Variants in FYN observed in about 807,000 individuals in gnomAD.
The protein encoded by FYN is FYN proto-oncogene, Src family tyrosine kinase, also known as tyrosine-protein kinase Fyn.
A neutral mutation model predicts 70.2 loss-of-function variants in FYN; 10 were observed. The observed-to-expected ratio is 0.14, with a 90% CI of 0.09 to 0.24. The LOEUF (loss-of-function observed/expected upper bound fraction) is 0.24. Among genes scored for constraint, FYN ranks in the 10% least tolerant of loss-of-function variants. The probability of loss-of-function intolerance (pLI) is 1.00; values close to 1 mark genes in which losing one functional copy is unlikely to be tolerated. For synonymous variants in FYN, 236 were observed against 248.6 expected (o/e 0.95, Z 0.48); for missense variants, 319 against 673.1 (o/e 0.47, Z 5.82).
intron 3 of FYN, among the ~76,000 whole-genome samples, chr6:111,723,812 G>C (rs1358934984): frequency 6.6e-6 from 1 of 152,208 alleles, no homozygotes; most frequent in Non-Finnish European, 1.5e-5. Flanking sequence ...TCGTGACATA[G>C]AATGTACTAA....
chr6:111,665,099 C>T (rs1797935544), intron 13 of FYN, among the ~76,000 whole-genome samples: 1 of 152,102 alleles, frequency 6.6e-6, no homozygotes, highest in African/African-American at 2.4e-5. Context: ...GGGTGAGTAT[C>T]CCTTCTCTGA....
At position 111,673,619 on chromosome 6, in the gene FYN, ATTGT is replaced by A. The variant is rs1798398041; in HGVS notation, c.1405+876_1405+879del. Among the ~76,000 whole-genome samples the A allele has an allele frequency of 7.7e-5, 5 of 65,026 alleles. No homozygotes were observed. In the South Asian group the frequency reaches 2.5e-3, roughly 32 times the overall value. 42.7% of individuals were successfully genotyped at this position (65,026 alleles called of 152,430 possible). On this transcript the variant is annotated intron_variant, in intron 13 of 13. Transcript: ENST00000354650. The stretch of plus-strand genomic sequence containing the variant: ...ATTAATCGTCACTATCGTTTCTATC[ATTGT>A]TTTTTTTTTTTTTTTTTTCTTTAAG...
At chr6:111,808,602 T>C (rs563066134) in intron 2 of FYN, among the ~76,000 whole-genome samples, 29 of 152,162 alleles carry the variant, frequency 1.9e-4, no homozygotes, top group Non-Finnish European at 3.4e-4. Flanking sequence ...CTCACTGACG[T>C]TGTACATAGA....
At chr6:111,716,640 T>C (rs1800654788) in intron 4 of FYN, among the ~76,000 whole-genome samples, 1 of 149,174 alleles carries the variant, frequency 6.7e-6, no homozygotes, top group Non-Finnish European at 1.5e-5. Context: ...TTGGGAAACA[T>C]AACCTCTGTA....
At chr6:111,835,547 G>C (rs1773154726) in intron 2 of FYN, among the ~76,000 whole-genome samples, 1 of 152,230 alleles carries the variant, frequency 6.6e-6, no homozygotes, top group Non-Finnish European at 1.5e-5. Context: ...TATTCCTGAA[G>C]CAAGTCCTGC....
intron 3 of FYN, among the ~76,000 whole-genome samples, chr6:111,731,013 T>C (rs1250862493): frequency 6.6e-6 from 1 of 152,008 alleles, no homozygotes; most frequent in Admixed American, 6.6e-5. Flanking sequence ...AGGGTCAGGG[T>C]GTCACCTGGC....
At chr6:111,673,320 C>T (rs939592922) in intron 13 of FYN, among the ~76,000 whole-genome samples, 22 of 152,122 alleles carry the variant, frequency 1.4e-4, no homozygotes, top group African/African-American at 5.1e-4. Flanking sequence ...AACTGACTTA[C>T]ACCCGCATCT....
chr6:111,680,623 G>A (rs1362556850), intron 12 of FYN, among the ~76,000 whole-genome samples: 1 of 152,170 alleles, frequency 6.6e-6, no homozygotes, highest in Non-Finnish European at 1.5e-5. Flanking sequence ...CTCTTCAAAA[G>A]CATCGTGACA....
intron 3 of FYN, among the ~76,000 whole-genome samples, chr6:111,752,513 CAAG>C (rs1802534798): frequency 6.6e-6 from 1 of 152,176 alleles, no homozygotes; most frequent in East Asian, 1.9e-4. Context: ...GAGAAAGAAG[CAAG>C]ATTTCTAAAT....
At chr6:111,747,604 G>A (rs1583400913) in intron 3 of FYN, among the ~76,000 whole-genome samples, 1 of 152,154 alleles carries the variant, frequency 6.6e-6, no homozygotes, top group East Asian at 1.9e-4. Flanking sequence ...AAGTGAACTA[G>A]TCGCTTTGAC....
intron 3 of FYN, among the ~76,000 whole-genome samples, chr6:111,743,220 CT>C (rs1802061328): frequency 6.6e-6 from 1 of 152,140 alleles, no homozygotes. Context: ...CCACCTTGGT[CT>C]CCCAAAGTGC....
intron 13 of FYN, among the ~76,000 whole-genome samples, chr6:111,665,337 GT>G (rs1354404727): frequency 1.3e-5 from 2 of 151,878 alleles, no homozygotes; most frequent in South Asian, 2.1e-4. Context: ...GAAAATCATG[GT>G]TTTTTTAAAT....
intron 2 of FYN, among the ~76,000 whole-genome samples, chr6:111,837,344 A>T (rs1053145411): frequency 2.6e-5 from 4 of 151,830 alleles, no homozygotes; most frequent in African/African-American, 9.7e-5. Context: ...CTTTTTTTTT[A>T]AATTACATTT....
At chr6:111,796,768 G>C (rs1001852540) in intron 2 of FYN, among the ~76,000 whole-genome samples, 3 of 152,212 alleles carry the variant, frequency 2.0e-5, no homozygotes, top group Non-Finnish European at 4.4e-5. Context: ...AAATCCCCTC[G>C]TGGGTAAGGG....
chr6:111,712,289 C>T (rs1049166685), intron 5 of FYN, among the ~76,000 whole-genome samples: 5 of 152,184 alleles, frequency 3.3e-5, no homozygotes, highest in African/African-American at 1.2e-4. Flanking sequence ...CTTGAAATTT[C>T]TAATCAACCT....
In FYN at chr6:111,719,795, G is replaced by C. The variant is rs751445784; in HGVS notation, c.247+10C>G. On this transcript the variant is annotated intron_variant, in intron 4 of 13. Coordinates refer to ENST00000354650, the MANE Select transcript of FYN (RefSeq NM_002037.5). ...CCCCCTCTCTGCACTCTGTGACTTTGGGGGCTTACCTGTTCCTCCTCTCGT... is the reference window on the plus strand; with the variant it reads ...CCCCCTCTCTGCACTCTGTGACTTTCGGGGCTTACCTGTTCCTCCTCTCGT... 6.2e-7 allele frequency: 1 copy of C among 1,612,598 alleles called. No individual in the cohort carries two copies. Among genetic ancestry groups the C allele is most frequent in the Non-Finnish European group, 8.5e-7 (1 of 1,178,826 alleles).
At chr6:111,781,402 G>A (rs1477976103) in intron 2 of FYN, among the ~76,000 whole-genome samples, 2 of 152,108 alleles carry the variant, frequency 1.3e-5, no homozygotes, top group East Asian at 3.9e-4. Context: ...CTGGTCTCTT[G>A]GCCTCCAGTT....
chr6:111,731,248 C>G (rs1801436619), intron 3 of FYN, among the ~76,000 whole-genome samples: 1 of 152,228 alleles, frequency 6.6e-6, no homozygotes. Flanking sequence ...TTCTTTTTCT[C>G]TTTCTTTAAT....
chr6:111,723,304 C>A (rs886965801), intron 3 of FYN, among the ~76,000 whole-genome samples: 3 of 151,952 alleles, frequency 2.0e-5, no homozygotes, highest in Non-Finnish European at 4.4e-5. Flanking sequence ...TTTTTAACTG[C>A]TGCATCTTGC....
Sources: gnomAD v4.1 joint callset for allele counts (sites outside exome capture counted in the v4.1 genomes callset) on GRCh38, gnomAD v4.1.1 for gene constraint, MANE v1.5 for transcripts, NCBI Gene and HGNC (gene_info 2026-07-23, HGNC 2026-07-21) for gene names.